The following PEAK1 variants were observed in gnomAD, a reference collection of about 807,000 sequenced individuals.
PEAK1 encodes pseudopodium enriched atypical kinase 1, also known as inactive tyrosine-protein kinase PEAK1.
A neutral mutation model predicts 124.7 loss-of-function variants in PEAK1; 54 were observed. That is an observed-to-expected ratio of 0.43 (90% confidence interval 0.35 to 0.54). The LOEUF (loss-of-function observed/expected upper bound fraction) is 0.54. Ranked by LOEUF, PEAK1 falls within the 20% of genes least tolerant of loss-of-function variation. The pLI is 0.01. For missense variants in PEAK1, 2,046 were observed against 2,134.5 expected (o/e 0.96, Z 0.82); for synonymous variants, 719 against 760.0 (o/e 0.95, Z 0.89).
intron 5 of PEAK1, among the ~76,000 whole-genome samples, chr15:77,258,941 G>C (rs1004528781): frequency 2.0e-5 from 3 of 152,148 alleles, no homozygotes; most frequent in Admixed American, 1.3e-4. Context: ...ATGAAGGGTT[G>C]TTGAATTTTG....
At chr15:77,302,493 C>T (rs1413999480) in intron 2 of PEAK1, among the ~76,000 whole-genome samples, 1 of 152,096 alleles carries the variant, frequency 6.6e-6, no homozygotes, top group African/African-American at 2.4e-5. Flanking sequence ...TGTTCAATTC[C>T]AGTATACATG....
intron 2 of PEAK1, among the ~76,000 whole-genome samples, chr15:77,291,243 C>A (rs917031332): frequency 2.0e-5 from 3 of 152,120 alleles, no homozygotes. Flanking sequence ...TCACATAATA[C>A]CTGTCATTTT....
rs565345299 is a variant in PEAK1, at chr15:77,312,022, G to T, written c.-602-25518C>A. ...AGGTATGAAGAGTTGTATGAATCAT[G>T]TGAGAGAAATTTATGACAGTCATAA... On this transcript the variant is annotated intron_variant, in intron 2 of 9. Coordinates refer to ENST00000682557, the MANE Select transcript of PEAK1 (RefSeq NM_001385026.1). Among the ~76,000 whole-genome samples the T allele has an allele frequency of 2.0e-5, 3 of 152,238 alleles. No individual in the cohort carries two copies. In the South Asian group the frequency reaches 6.2e-4, roughly 32 times the overall value.
chr15:77,310,788 G>A (rs944380009), intron 2 of PEAK1, among the ~76,000 whole-genome samples: 1 of 152,202 alleles, frequency 6.6e-6, no homozygotes, highest in African/African-American at 2.4e-5. Flanking sequence ...AAGAAGCGTT[G>A]AGATCTGAAG....
At chr15:77,270,591 A>G (rs1486637077) in intron 5 of PEAK1, among the ~76,000 whole-genome samples, 1 of 152,204 alleles carries the variant, frequency 6.6e-6, no homozygotes, top group East Asian at 1.9e-4. Flanking sequence ...GGACCTTTTC[A>G]AGGAGAACTA....
intron 6 of PEAK1, among the ~76,000 whole-genome samples, chr15:77,199,324 G>A (rs1416736935): frequency 6.6e-6 from 1 of 152,200 alleles, no homozygotes; most frequent in Non-Finnish European, 1.5e-5. Context: ...GTTCAACACT[G>A]TAGATATCGA....
intron 2 of PEAK1, among the ~76,000 whole-genome samples, chr15:77,287,141 G>A (rs1454295149): frequency 6.6e-6 from 1 of 152,082 alleles, no homozygotes; most frequent in African/African-American, 2.4e-5. Context: ...GATTAAAAGG[G>A]CCACACTGTA....
chr15:77,337,381 C>A (rs2066267379), intron 2 of PEAK1: 1 of 948,162 alleles, frequency 1.1e-6, no homozygotes, highest in African/African-American at 1.8e-5. Flanking sequence ...AAGAAATAAT[C>A]ATTGAAGATT....
intron 2 of PEAK1, among the ~76,000 whole-genome samples, chr15:77,331,714 C>G (rs2065901032): frequency 6.6e-6 from 1 of 151,732 alleles, no homozygotes; most frequent in South Asian, 2.1e-4. Context: ...CCTCCTGGGT[C>G]CAAGCAATTC....
chr15:77,321,166 T>A lies in PEAK1; in HGVS notation c.-602-34662A>T, dbSNP rs528261893. 1.8e-3 allele frequency among the ~76,000 whole-genome samples: 277 copies of A among 152,332 alleles called. 1 individual carries two copies. Among genetic ancestry groups the A allele is most frequent in the African/African-American group, 6.6e-3 (274 of 41,570 alleles). On this transcript the variant is annotated intron_variant, in intron 2 of 9. Coordinates refer to ENST00000682557, the MANE Select transcript of PEAK1 (RefSeq NM_001385026.1). ...GCAGCATGATTTATAATCCTTTGGG[T>A]ATATACCCAGTAATGGGATGGCTGG...
At chr15:77,347,582 A>C in intron 2 of PEAK1, 1 of 985,424 alleles carries the variant, frequency 1.0e-6, no homozygotes, top group Non-Finnish European at 1.2e-6. Context: ...TATTTGTCCT[A>C]ATACTTGTTT....
At chr15:77,293,440 C>T (rs1439729344) in intron 2 of PEAK1, among the ~76,000 whole-genome samples, 2 of 152,118 alleles carry the variant, frequency 1.3e-5, no homozygotes, top group African/African-American at 2.4e-5. Flanking sequence ...AATCTATTTC[C>T]CCCTCTTTGA....
intron 1 of PEAK1, chr15:77,381,504 C>T (rs1440377717): frequency 3.3e-5 from 32 of 958,448 alleles, no homozygotes; most frequent in Non-Finnish European, 3.6e-5. Flanking sequence ...TCTGACATTA[C>T]CAACAAACTT....
At chr15:77,167,890 C>A (rs546381258) in intron 7 of PEAK1, among the ~76,000 whole-genome samples, 9 of 152,048 alleles carry the variant, frequency 5.9e-5, no homozygotes, top group African/African-American at 1.9e-4. Flanking sequence ...CTCCCCCATG[C>A]CCCCACCCCA....
Position 77,346,805 on chromosome 15 carries a change from G to A in PEAK1, c.-603+18358C>T, listed in dbSNP as rs2066899080. Reference sequence around the variant, plus strand: ...AAATATTTACTGAAATGCCTATTATGGCAGACACTACTGTAGGTGCTAGAG... The same window carrying A: ...AAATATTTACTGAAATGCCTATTATAGCAGACACTACTGTAGGTGCTAGAG... On this transcript the variant is annotated intron_variant, in intron 2 of 9. Coordinates refer to ENST00000682557, the MANE Select transcript of PEAK1 (RefSeq NM_001385026.1). 11 of 893,640 alleles carry A rather than the reference G, an allele frequency of 1.2e-5. No individual in the cohort carries two copies. The South Asian group carries it at 4.1e-4, about 34-fold the overall frequency. 55.4% of individuals were successfully genotyped at this position (893,640 alleles called of 1,614,324 possible).
intron 1 of PEAK1, among the ~76,000 whole-genome samples, chr15:77,379,304 T>C (rs957980997): frequency 1.3e-5 from 2 of 152,162 alleles, no homozygotes; most frequent in Admixed American, 1.3e-4. Flanking sequence ...GAACCTGAAT[T>C]AGCATTCTCT....
chr15:77,319,030 A>C (rs1227338787), intron 2 of PEAK1, among the ~76,000 whole-genome samples: 3 of 152,212 alleles, frequency 2.0e-5, no homozygotes, highest in African/African-American at 4.8e-5. Context: ...AGAACCAAGA[A>C]GACAACCTAA....
intron 6 of PEAK1, among the ~76,000 whole-genome samples, chr15:77,231,814 C>A (rs2059921154): frequency 6.6e-6 from 1 of 152,072 alleles, no homozygotes; most frequent in South Asian, 2.1e-4. Context: ...AATTGTTACA[C>A]TCATTTCCTC....
intron 7 of PEAK1, among the ~76,000 whole-genome samples, chr15:77,165,440 G>A (rs1485983743): frequency 1.3e-5 from 2 of 152,024 alleles, no homozygotes; most frequent in African/African-American, 2.4e-5. Flanking sequence ...CAGGTAATCC[G>A]CCTGCCTCAG....
Sources: allele counts gnomAD v4.1 joint callset (sites outside exome capture counted in the v4.1 genomes callset), GRCh38; gene constraint gnomAD v4.1.1; transcripts MANE v1.5; gene names NCBI Gene and HGNC (gene_info 2026-07-23, HGNC 2026-07-21).